The following KIF6 variants were observed in gnomAD, a reference collection of about 807,000 sequenced individuals.
KIF6 encodes the protein kinesin-like protein KIF6.
KIF6 carries 106 observed loss-of-function variants against 112.7 expected under a neutral mutation model. The ratio of observed to expected loss-of-function variants is 0.94; its 90% CI spans 0.80 to 1.11. The LOEUF is 1.11. Ranked by LOEUF, KIF6 falls within the 50% of genes least tolerant of loss-of-function variation. The pLI is 0.00. For synonymous variants in KIF6, 339 were observed against 339.9 expected (o/e 1.00, Z 0.03); for missense variants, 929 against 964.0 (o/e 0.96, Z 0.48).
At chr6:39,366,819 G>A (rs528066486) in intron 16 of KIF6, among the ~76,000 whole-genome samples, 1 of 152,264 alleles carries the variant, frequency 6.6e-6, no homozygotes, top group Non-Finnish European at 1.5e-5. Context: ...TAAGGACACT[G>A]GCTTTGAGAG....
intron 3 of KIF6, among the ~76,000 whole-genome samples, chr6:39,686,320 TTTTAACAAA>T (rs1787866527): frequency 1.3e-5 from 2 of 152,242 alleles, no homozygotes; most frequent in South Asian, 4.1e-4. Flanking sequence ...ACCCCTTTTA[TTTTAACAAA>T]CCTTTGAAAA....
intron 13 of KIF6, among the ~76,000 whole-genome samples, chr6:39,433,670 T>C (rs1165567468): frequency 6.6e-6 from 1 of 152,154 alleles, no homozygotes; most frequent in Admixed American, 6.5e-5. Context: ...TTCCCAAATG[T>C]CCACTCAGGG....
At chr6:39,367,589 C>T (rs1441841040) in intron 16 of KIF6, among the ~76,000 whole-genome samples, 4 of 151,990 alleles carry the variant, frequency 2.6e-5, no homozygotes, top group Admixed American at 2.0e-4. Flanking sequence ...GTTGGGAGGA[C>T]GCACAGACGC....
chr6:39,628,425 A>C (rs1784197089), intron 5 of KIF6, among the ~76,000 whole-genome samples: 1 of 152,064 alleles, frequency 6.6e-6, no homozygotes, highest in African/African-American at 2.4e-5. Context: ...CAATTTTATC[A>C]TATGGGTAGC....
chr6:39,661,023 TCTTA>T (rs1786111020), intron 3 of KIF6, among the ~76,000 whole-genome samples: 1 of 152,126 alleles, frequency 6.6e-6, no homozygotes, highest in Non-Finnish European at 1.5e-5. Flanking sequence ...TCCAAATTGG[TCTTA>T]CTTCCATAAG....
At chr6:39,717,964 C>T (rs141873160) in intron 2 of KIF6, among the ~76,000 whole-genome samples, 288 of 152,136 alleles carry the variant, frequency 1.9e-3, no homozygotes, top group African/African-American at 6.7e-3. Flanking sequence ...CAGTGGTTCA[C>T]ACCTGTAATC....
rs141364813 is a variant in KIF6 at position 39,342,364 on chromosome 6, C to T, written c.2428+1345G>A. On this transcript the variant is annotated intron_variant, in intron 22 of 22. Coordinates refer to ENST00000287152, the MANE Select transcript of KIF6 (RefSeq NM_145027.6). This position sits in a 1 kb window ranked among gnomAD's most constrained non-coding sequence, Gnocchi z 4.7. ...TCAAACAATCTTACGTATTTGTCGA[C>T]GTGTTCATTGTCTGTCTCCTTCCTC... Among the ~76,000 whole-genome samples, 397 of 152,338 alleles carry T rather than the reference C, an allele frequency of 2.6e-3. 4 individuals are homozygous for T. The highest frequency in any genetic ancestry group is 9.1e-3 in the African/African-American group (380 of 41,588).
intron 13 of KIF6, among the ~76,000 whole-genome samples, chr6:39,464,888 T>A (rs1773699087): frequency 6.6e-6 from 1 of 152,224 alleles, no homozygotes; most frequent in African/African-American, 2.4e-5. Context: ...AAACATTGGG[T>A]CACTGAAAGC....
chr6:39,538,321 A>T (rs1278738822), intron 13 of KIF6, among the ~76,000 whole-genome samples: 1 of 151,890 alleles, frequency 6.6e-6, no homozygotes, highest in Non-Finnish European at 1.5e-5. Context: ...TACTCATCTG[A>T]CAGAGGGCTA....
At chr6:39,681,163 A>C (rs1417745540) in intron 3 of KIF6, among the ~76,000 whole-genome samples, 3 of 152,358 alleles carry the variant, frequency 2.0e-5, no homozygotes, top group African/African-American at 7.2e-5. Flanking sequence ...TATAACATTA[A>C]GGCAAAATTT....
chr6:39,370,246 G>A (rs1765865569), intron 16 of KIF6, among the ~76,000 whole-genome samples: 1 of 152,194 alleles, frequency 6.6e-6, no homozygotes, highest in African/African-American at 2.4e-5. Flanking sequence ...GACCAGCCAG[G>A]GGGCAGTGTT....
At chr6:39,365,327 A>G (rs1023230447) in intron 16 of KIF6, among the ~76,000 whole-genome samples, 6 of 152,152 alleles carry the variant, frequency 3.9e-5, no homozygotes, top group African/African-American at 1.4e-4. Flanking sequence ...TGAAGTCCAC[A>G]CTGTCATCTG....
chr6:39,355,465 T>A (rs1764587266), intron 19 of KIF6, among the ~76,000 whole-genome samples: 1 of 144,130 alleles, frequency 6.9e-6, no homozygotes, highest in Admixed American at 6.9e-5. Context: ...AAGTCTTTTT[T>A]TTTTTTTTTT....
chr6:39,355,912 C>A (rs1208206270), intron 19 of KIF6, among the ~76,000 whole-genome samples: 1 of 152,002 alleles, frequency 6.6e-6, no homozygotes, highest in African/African-American at 2.4e-5. Flanking sequence ...GTTCATTTGC[C>A]ACAATCACTG....
chr6:39,434,345 C>T (rs1425192587), intron 13 of KIF6, among the ~76,000 whole-genome samples: 2 of 151,768 alleles, frequency 1.3e-5, no homozygotes, highest in African/African-American at 4.8e-5. Context: ...GGGTGGATCA[C>T]CTGAGCTCAA....
chr6:39,583,458 C>T (rs1478761022), intron 9 of KIF6: 1 of 471,648 alleles, frequency 2.1e-6, no homozygotes, highest in Admixed American at 2.3e-5. Context: ...AAGAGAACTC[C>T]ATCAGAGGAG....
At chr6:39,510,260 T>C (rs1029707121) in intron 13 of KIF6, among the ~76,000 whole-genome samples, 18 of 151,840 alleles carry the variant, frequency 1.2e-4, no homozygotes, top group Non-Finnish European at 1.9e-4. Flanking sequence ...GCCTGGCTCA[T>C]TTTTTGTATT....
chr6:39,698,649 T>G (rs1053167287), intron 3 of KIF6, among the ~76,000 whole-genome samples: 2 of 152,236 alleles, frequency 1.3e-5, no homozygotes, highest in Admixed American at 6.5e-5. Context: ...TATTATCATT[T>G]AGATTGAGGC....
intron 13 of KIF6, among the ~76,000 whole-genome samples, chr6:39,534,963 A>T (rs1036996076): frequency 1.2e-4 from 19 of 152,322 alleles, no homozygotes; most frequent in Admixed American, 5.9e-4. Flanking sequence ...AGCCAAACTA[A>T]GCTTCATAAG....
Sources: gnomAD v4.1 joint callset for allele counts (sites outside exome capture counted in the v4.1 genomes callset) on GRCh38, gnomAD v4.1.1 for gene constraint, Gnocchi (gnomAD v3.1) non-coding constraint, MANE v1.5 for transcripts, NCBI Gene and HGNC (gene_info 2026-07-23, HGNC 2026-07-21) for gene names.